The following GIGYF2 variants were observed in gnomAD, a reference collection of about 807,000 sequenced individuals.
GIGYF2 encodes the protein GRB10-interacting GYF protein 2.
Under a neutral mutation model 208.1 loss-of-function variants are expected in GIGYF2, and 25 were observed. The ratio of observed to expected loss-of-function variants is 0.12; its 90% CI spans 0.09 to 0.17. The LOEUF is 0.17. Ranked by LOEUF, GIGYF2 falls within the 10% of genes least tolerant of loss-of-function variation. GIGYF2 has a pLI of 1.00. For missense variants in GIGYF2, 1,302 were observed against 1,579.4 expected (o/e 0.82, Z 2.98); for synonymous variants, 534 against 543.8 (o/e 0.98, Z 0.25).
intron 8 of GIGYF2, among the ~76,000 whole-genome samples, chr2:232,774,074 G>A (rs1472193107): frequency 1.3e-5 from 2 of 151,336 alleles, no homozygotes. Flanking sequence ...TTGAGGTCGG[G>A]AATTCAAGAC....
intron 2 of GIGYF2, among the ~76,000 whole-genome samples, chr2:232,733,367 A>G (rs906536806): frequency 2.0e-5 from 3 of 152,128 alleles, no homozygotes; most frequent in African/African-American, 7.2e-5. Context: ...TCAAGTAAGA[A>G]CAGGATAATC....
intron 2 of GIGYF2, among the ~76,000 whole-genome samples, chr2:232,732,563 A>C (rs116375675): frequency 1.3e-5 from 2 of 152,148 alleles, no homozygotes; most frequent in African/African-American, 2.4e-5. Context: ...ACTTGGCATC[A>C]GTTTTAAGAT....
chr2:232,706,728 C>T (rs1696128588), intron 2 of GIGYF2, among the ~76,000 whole-genome samples: 1 of 151,794 alleles, frequency 6.6e-6, no homozygotes, highest in Admixed American at 6.6e-5. Context: ...TGCAGTGAGC[C>T]GAGATTGAGC....
At chr2:232,708,885 G>A (rs1212634249) in intron 2 of GIGYF2, among the ~76,000 whole-genome samples, 1 of 150,462 alleles carries the variant, frequency 6.6e-6, no homozygotes, top group Admixed American at 6.6e-5. Flanking sequence ...ACTTTGGGAA[G>A]CCGAGGTGGG....
chr2:232,775,311 G>C (rs1699464297), intron 8 of GIGYF2, among the ~76,000 whole-genome samples: 1 of 151,970 alleles, frequency 6.6e-6, no homozygotes, highest in Non-Finnish European at 1.5e-5. Flanking sequence ...AATCCCATTG[G>C]CCTGGCATCC....
intron 3 of GIGYF2, among the ~76,000 whole-genome samples, chr2:232,747,388 T>C (rs1411304618): frequency 6.6e-6 from 1 of 152,164 alleles, no homozygotes; most frequent in African/African-American, 2.4e-5. Context: ...CGTGATGCCT[T>C]TTAAGTTAAG....
intron 21 of GIGYF2, among the ~76,000 whole-genome samples, chr2:232,831,228 A>G (rs1231841482): frequency 1.3e-5 from 2 of 152,218 alleles, no homozygotes; most frequent in Non-Finnish European, 2.9e-5. Context: ...TCAGGACTGT[A>G]CTGACTCCTT....
chr2:232,827,979 G>A (rs1701301150), intron 21 of GIGYF2, among the ~76,000 whole-genome samples: 1 of 151,710 alleles, frequency 6.6e-6, no homozygotes, highest in South Asian at 2.1e-4. Flanking sequence ...GTATTTGGGA[G>A]CCTTTTCTTT....
At chr2:232,852,775 TG>T (rs1690407060) in intron 28 of GIGYF2, among the ~76,000 whole-genome samples, 1 of 152,204 alleles carries the variant, frequency 6.6e-6, no homozygotes, top group Admixed American at 6.5e-5. Context: ...ATTCTAACTG[TG>T]GGTTCTAGCT....
At chr2:232,721,077 C>G (rs942251139) in intron 2 of GIGYF2, among the ~76,000 whole-genome samples, 22 of 152,190 alleles carry the variant, frequency 1.4e-4, no homozygotes, top group Admixed American at 3.9e-4. Flanking sequence ...AGGGTGGTCT[C>G]AGAACTAACA....
At chr2:232,723,386 T>C (rs1434011273) in intron 2 of GIGYF2, among the ~76,000 whole-genome samples, 1 of 152,100 alleles carries the variant, frequency 6.6e-6, no homozygotes, top group African/African-American at 2.4e-5. Context: ...AAATTTTCTT[T>C]CCATTCTTTC....
chr2:232,795,923 G>T, intron 13 of GIGYF2, 139 bp from the exon 14 acceptor site: 1 of 690,602 alleles, frequency 1.4e-6, no homozygotes, highest in Admixed American at 2.1e-5. Flanking sequence ...ATTGTTGGGA[G>T]AAGTTACCTG....
intron 9 of GIGYF2, chr2:232,788,579 A>G (rs1245476028): frequency 2.1e-6 from 1 of 471,046 alleles, no homozygotes; most frequent in South Asian, 1.6e-5. Context: ...CAGCTGGTCA[A>G]AAACAAACAA....
intron 28 of GIGYF2, 145 bp from the exon 29 acceptor site, chr2:232,856,648 C>T (rs1352439468): frequency 1.2e-5 from 9 of 727,320 alleles, no homozygotes; most frequent in African/African-American, 6.9e-5. Context: ...GCCGAGATCA[C>T]GCCACTGCAC....
In GIGYF2 at chr2:232,722,802, A is replaced by C. The variant is rs373822213; in HGVS notation, c.-43-12353A>C. 2.1e-3 allele frequency: 314 copies of C among 152,296 alleles called. 1 individual carries two copies. The highest frequency in any genetic ancestry group is 7.1e-3 in the African/African-American group (297 of 41,576). The allele number at this position is 152,296 out of a possible 1,614,324, so 9.4% of individuals were successfully genotyped here. Reference sequence around the variant, plus strand: ...TATAATTTCTCAAGTTTATTTAAAAAAAACAAACAAACTCTAGCATAGAAC... The same window carrying C: ...TATAATTTCTCAAGTTTATTTAAAACAAACAAACAAACTCTAGCATAGAAC... On this transcript the variant is annotated intron_variant, in intron 2 of 28. Coordinates refer to ENST00000373563, the MANE Select transcript of GIGYF2 (RefSeq NM_001103146.3).
At chr2:232,785,415 C>G (rs1270466111) in intron 8 of GIGYF2, among the ~76,000 whole-genome samples, 1 of 152,208 alleles carries the variant, frequency 6.6e-6, no homozygotes, top group African/African-American at 2.4e-5. Flanking sequence ...CACTTCCAGA[C>G]TCACTCATGT....
intron 27 of GIGYF2, among the ~76,000 whole-genome samples, chr2:232,848,281 G>A (rs1017073662): frequency 2.0e-5 from 3 of 152,066 alleles, no homozygotes; most frequent in African/African-American, 7.2e-5. Context: ...TCTTCCTAAG[G>A]CACCTCACAG....
chr2:232,825,047 C>T (rs957417837), intron 21 of GIGYF2, among the ~76,000 whole-genome samples: 1 of 152,210 alleles, frequency 6.6e-6, no homozygotes, highest in Non-Finnish European at 1.5e-5. Context: ...TGAAGACCTA[C>T]TGCTCCTTTC....
rs1293799901 is a variant in GIGYF2 at position 232,761,266 on chromosome 2, ATAAC to A, written c.492-127_492-124del. On this transcript the variant is annotated intron_variant, in intron 7 of 28. Transcript: ENST00000373563. ...TTCTATATTTTCGAAATATTAGGCA[ATAAC>A]TATGTATTTATTTGTTTTGTAATTT... 2.1e-5 allele frequency: 14 copies of A among 654,632 alleles called. No individual in the cohort carries two copies. In the East Asian group the frequency reaches 3.4e-4, roughly 16 times the overall value. 40.6% of individuals were successfully genotyped at this position (654,632 alleles called of 1,614,324 possible).
Sources: allele counts gnomAD v4.1 joint callset (sites outside exome capture counted in the v4.1 genomes callset), GRCh38; gene constraint gnomAD v4.1.1; transcripts MANE v1.5; gene names NCBI Gene and HGNC (gene_info 2026-07-23, HGNC 2026-07-21).